The following RBFOX1 variants were observed in gnomAD, a reference collection of about 807,000 sequenced individuals.
The protein encoded by RBFOX1 is RNA binding protein fox-1 homolog 1.
A neutral mutation model predicts 57.7 loss-of-function variants in RBFOX1; 8 were observed. The observed-to-expected ratio is 0.14, with a 90% CI of 0.08 to 0.25. The LOEUF is 0.25. Ranked by LOEUF, RBFOX1 falls within the 10% of genes least tolerant of loss-of-function variation. The pLI, the probability that RBFOX1 is intolerant of heterozygous loss-of-function variation, is 1.00. For synonymous variants in RBFOX1, 326 were observed against 222.4 expected, an observed-to-expected ratio of 1.47 and a Z score of -4.15; for missense variants, 611 against 548.5, an observed-to-expected ratio of 1.11 and a Z score of -1.14.
intron 3 of RBFOX1, among the ~76,000 whole-genome samples, chr16:6,673,148 G>T (rs144336283): frequency 6.6e-6 from 1 of 152,166 alleles, no homozygotes; most frequent in African/African-American, 2.4e-5. Flanking sequence ...GGTGATCAGT[G>T]ATGTCTACAC....
At chr16:7,451,203 G>A (rs1203768763) in intron 4 of RBFOX1, among the ~76,000 whole-genome samples, 1 of 152,156 alleles carries the variant, frequency 6.6e-6, no homozygotes, top group African/African-American at 2.4e-5. Context: ...TTTCTATGGA[G>A]GCTTTTTGGA....
At chr16:5,540,414 G>A (rs986585365) in intron 2 of RBFOX1, among the ~76,000 whole-genome samples, 2 of 152,170 alleles carry the variant, frequency 1.3e-5, no homozygotes, top group South Asian at 4.1e-4. Context: ...CAGAATTTTC[G>A]TTTGTTGGTT....
intron 3 of RBFOX1, among the ~76,000 whole-genome samples, chr16:6,841,754 C>G (rs536372117): frequency 2.0e-5 from 3 of 152,202 alleles, no homozygotes; most frequent in East Asian, 1.9e-4. Flanking sequence ...CTACTTAAAC[C>G]TGGACCATGC....
chr16:7,654,005 C>T (rs1277992468), intron 12 of RBFOX1, 58 bp downstream of exon 12: 2 of 1,435,648 alleles, frequency 1.4e-6, no homozygotes, highest in South Asian at 1.5e-5. Flanking sequence ...TCCCCAGAGG[C>T]ACGGAGCTGT....
intron 2 of RBFOX1, among the ~76,000 whole-genome samples, chr16:6,437,757 A>T (rs1231059253): frequency 6.6e-6 from 1 of 152,136 alleles, no homozygotes; most frequent in East Asian, 1.9e-4. Flanking sequence ...CAGGAGAGAG[A>T]GTGAAGAGGG....
intron 4 of RBFOX1, among the ~76,000 whole-genome samples, chr16:7,142,969 C>A (rs1247566945): frequency 4.0e-5 from 6 of 151,540 alleles, no homozygotes; most frequent in African/African-American, 1.5e-4. Flanking sequence ...GTTTCTGACC[C>A]TTGAGATATG....
chr16:6,372,920 G>A (rs964736346), intron 2 of RBFOX1, among the ~76,000 whole-genome samples: 2 of 151,516 alleles, frequency 1.3e-5, no homozygotes, highest in African/African-American at 4.9e-5. Context: ...AGTTGGTTAG[G>A]ATTGTTGGGT....
At chr16:6,912,186 T>C (rs2071801288) in intron 3 of RBFOX1, among the ~76,000 whole-genome samples, 1 of 152,360 alleles carries the variant, frequency 6.6e-6, no homozygotes, top group African/African-American at 2.4e-5. Flanking sequence ...ATCTGAAACT[T>C]AAATTCCCAC....
intron 4 of RBFOX1, among the ~76,000 whole-genome samples, chr16:6,010,287 C>A (rs1172738044): frequency 6.6e-6 from 1 of 152,174 alleles, no homozygotes; most frequent in African/African-American, 2.4e-5. Flanking sequence ...CCCAGGATAA[C>A]CAACCGTCAC....
rs575661806 is a variant in RBFOX1 at position 6,857,408 on chromosome 16, G to C, written c.-15-194649G>C. ...TCTCCATCCTACGAAGCATGGGAGA[G>C]GTCAAATCCCATGTACGCCAGCTGA... On this transcript the variant is annotated intron_variant, in intron 3 of 15. Coordinates refer to ENST00000550418, the MANE Select transcript of RBFOX1 (RefSeq NM_018723.4). Among the ~76,000 whole-genome samples, 7 of 150,796 alleles carry C rather than the reference G, an allele frequency of 4.6e-5. No individual in the cohort carries two copies. In the South Asian group the frequency reaches 1.1e-3, roughly 23 times the overall value.
At chr16:7,650,524 A>G (rs1365275575) in intron 11 of RBFOX1, among the ~76,000 whole-genome samples, 3 of 152,120 alleles carry the variant, frequency 2.0e-5, no homozygotes, top group Admixed American at 2.0e-4. Flanking sequence ...AAGAGGGTAC[A>G]AAATGGAATC....
intron 4 of RBFOX1, among the ~76,000 whole-genome samples, chr16:5,978,369 A>G (rs769657061): frequency 2.0e-5 from 3 of 152,064 alleles, no homozygotes. Flanking sequence ...ATTTGGGGAT[A>G]ATTTTGGATT....
chr16:5,253,606 G>C (rs1397299146), intron 1 of RBFOX1, among the ~76,000 whole-genome samples: 1 of 152,200 alleles, frequency 6.6e-6, no homozygotes, highest in Non-Finnish European at 1.5e-5. Flanking sequence ...GCAGCCTCAC[G>C]TGGGAAATAC....
intron 3 of RBFOX1, among the ~76,000 whole-genome samples, chr16:5,634,537 A>G (rs1349837984): frequency 6.6e-6 from 1 of 152,240 alleles, no homozygotes; most frequent in Non-Finnish European, 1.5e-5. Flanking sequence ...GTGATTAAGG[A>G]TACATATCTA....
intron 3 of RBFOX1, among the ~76,000 whole-genome samples, chr16:6,725,103 T>C (rs1331042877): frequency 7.4e-6 from 1 of 134,516 alleles, no homozygotes; most frequent in African/African-American, 2.7e-5. Context: ...CTTGCTGGAG[T>C]GCAGTGGTGC....
At chr16:7,609,978 C>T (rs1370304897) in intron 10 of RBFOX1, among the ~76,000 whole-genome samples, 7 of 151,602 alleles carry the variant, frequency 4.6e-5, no homozygotes, top group Admixed American at 6.6e-5. Flanking sequence ...CCACCATGCC[C>T]GGCTAATTTT....
intron 3 of RBFOX1, among the ~76,000 whole-genome samples, chr16:6,953,026 C>A (rs964578491): frequency 8.6e-5 from 13 of 152,010 alleles, no homozygotes; most frequent in Non-Finnish European, 2.9e-5. Flanking sequence ...CCTCACCTGG[C>A]AATGTATATT....
At chr16:6,072,142 G>T (rs2095845183) in intron 1 of RBFOX1, among the ~76,000 whole-genome samples, 1 of 152,198 alleles carries the variant, frequency 6.6e-6, no homozygotes, top group African/African-American at 2.4e-5. Flanking sequence ...CTGCAGGCAA[G>T]AGAGCTTGTT....
At chr16:7,550,512 G>A (rs142615435) in intron 5 of RBFOX1, among the ~76,000 whole-genome samples, 291 of 152,140 alleles carry the variant, frequency 1.9e-3, no homozygotes, top group African/African-American at 6.7e-3. Context: ...TCAATAAAAC[G>A]ACCAAATTAT....
Sources: allele counts gnomAD v4.1 joint callset (sites outside exome capture counted in the v4.1 genomes callset), GRCh38; gene constraint gnomAD v4.1.1; transcripts MANE v1.5; gene names NCBI Gene and HGNC (gene_info 2026-07-23, HGNC 2026-07-21).